The following RFX6 variants were observed in gnomAD, a reference collection of about 807,000 sequenced individuals.
The protein encoded by RFX6 is DNA-binding protein RFX6.
A neutral mutation model predicts 110.8 loss-of-function variants in RFX6; 50 were observed. The ratio of observed to expected loss-of-function variants is 0.45; its 90% CI spans 0.36 to 0.57. The LOEUF (loss-of-function observed/expected upper bound fraction) is 0.57. Among genes scored for constraint, RFX6 ranks in the 20% least tolerant of loss-of-function variants. RFX6 has a pLI of 0.00. For synonymous variants in RFX6, 383 were observed against 411.2 expected (o/e 0.93, Z 0.83); for missense variants, 990 against 1,127.0 (o/e 0.88, Z 1.74).
chr6:116,918,150 G>C lies in RFX6; in HGVS notation c.1022+64G>C, dbSNP rs1775509109. The C allele has an allele frequency of 2.7e-6, 3 of 1,109,188 alleles. No individual in the cohort carries two copies. The Admixed American group carries it at 5.1e-5, about 19-fold the overall frequency. The allele number at this position is 1,109,188 out of a possible 1,614,324, so 68.7% of individuals were successfully genotyped here. A position where few individuals can be genotyped will look rare whatever the true frequency, so the allele number is the denominator to read the frequency against. On this transcript the variant is annotated intron_variant, in intron 10 of 18. Transcript: ENST00000332958. ...GGATTTAACTTTATACATTATATTA[G>C]AAGAAAACATTAGGTAGTAATTTAT...
chr6:116,882,219 T>A, intron 3 of RFX6, 148 bp from the exon 4 acceptor site: 1 of 682,622 alleles, frequency 1.5e-6, no homozygotes, highest in South Asian at 1.6e-5. Context: ...CTTATCAATA[T>A]GTGTAAGTTA....
intron 7 of RFX6, among the ~76,000 whole-genome samples, chr6:116,914,890 G>A (rs1775430175): frequency 1.3e-5 from 2 of 152,098 alleles, no homozygotes; most frequent in Non-Finnish European, 1.5e-5. Flanking sequence ...TATAGCTACT[G>A]TTATTATCAT....
chr6:116,895,093 T>C (rs925062321), intron 5 of RFX6, 87 bp from the exon 6 acceptor site: 11 of 707,000 alleles, frequency 1.6e-5, no homozygotes, highest in African/African-American at 3.5e-5. Flanking sequence ...GGTATGAAAT[T>C]ACTGCTTCTT....
intron 4 of RFX6, among the ~76,000 whole-genome samples, chr6:116,886,913 AT>A (rs1774710680): frequency 6.6e-6 from 1 of 152,052 alleles, no homozygotes; most frequent in Admixed American, 6.5e-5. Flanking sequence ...AAATACAAAA[AT>A]TAGCTGGGCG....
At chr6:116,882,647 G>A (rs965861428) in intron 4 of RFX6, among the ~76,000 whole-genome samples, 7 of 151,676 alleles carry the variant, frequency 4.6e-5, no homozygotes, top group Non-Finnish European at 7.4e-5. Context: ...TATTATTTCT[G>A]CTGAAATAAT....
At chr6:116,883,985 G>A (rs1259014819) in intron 4 of RFX6, among the ~76,000 whole-genome samples, 1 of 152,086 alleles carries the variant, frequency 6.6e-6, no homozygotes, top group Non-Finnish European at 1.5e-5. Flanking sequence ...TCATGATTTA[G>A]TCCAAGTTCA....
intron 6 of RFX6, among the ~76,000 whole-genome samples, chr6:116,897,613 C>A (rs1393517239): frequency 6.6e-6 from 1 of 152,086 alleles, no homozygotes; most frequent in East Asian, 1.9e-4. Context: ...TTATAAAACT[C>A]ATTCTGACCA....
Position 116,878,828 on chromosome 6 carries a change from TTATTATTTATTTAAA to T in RFX6, c.380+882_380+896del, listed in dbSNP as rs1363487381. On this transcript the variant is annotated intron_variant, in intron 2 of 18. Coordinates refer to ENST00000332958, the MANE Select transcript of RFX6 (RefSeq NM_173560.4). ...GATAAAGAACTAGTAAATTTTATTT[TTATTATTTATTTAAA>T]TATTAAATTACAATTTACATATAGT... Among the ~76,000 whole-genome samples, 5 of 151,886 alleles carry T rather than the reference TTATTATTTATTTAAA, an allele frequency of 3.3e-5. No homozygotes were observed. The East Asian group carries it at 9.6e-4, about 29-fold the overall frequency.
At chr6:116,924,903 C>A in intron 15 of RFX6, 112 bp downstream of exon 15, 1 of 770,372 alleles carries the variant, frequency 1.3e-6, no homozygotes, top group Non-Finnish European at 2.2e-6. Context: ...AGTTTTTCTC[C>A]AAACATGTCA....
intron 9 of RFX6, among the ~76,000 whole-genome samples, chr6:116,917,399 T>C (rs2114694457): frequency 6.6e-6 from 1 of 151,994 alleles, no homozygotes; most frequent in South Asian, 2.1e-4. Context: ...ACAGTTTAAT[T>C]TGCATTAATT....
chr6:116,916,441 G>T (rs1172744871), intron 9 of RFX6, 127 bp downstream of exon 9: 23 of 698,720 alleles, frequency 3.3e-5, no homozygotes, highest in African/African-American at 2.0e-4. Flanking sequence ...CTTTTTTTTT[G>T]ATGAGAAAGC....
chr6:116,884,626 C>T (rs923145976), intron 4 of RFX6, among the ~76,000 whole-genome samples: 2 of 151,970 alleles, frequency 1.3e-5, no homozygotes, highest in African/African-American at 2.4e-5. Flanking sequence ...GAAAAGAGGC[C>T]GAGCAATGAA....
At chr6:116,898,762 G>A (rs1775004771) in intron 6 of RFX6, among the ~76,000 whole-genome samples, 2 of 152,052 alleles carry the variant, frequency 1.3e-5, no homozygotes, top group Non-Finnish European at 2.9e-5. Context: ...TGGTAGTTTT[G>A]CATTTCTCTC....
At chr6:116,895,703 C>T (rs1427571110) in intron 6 of RFX6, among the ~76,000 whole-genome samples, 1 of 151,528 alleles carries the variant, frequency 6.6e-6, no homozygotes, top group Non-Finnish European at 1.5e-5. Flanking sequence ...CCCTAGGCTT[C>T]CTCTCCACCC....
intron 7 of RFX6, 76 bp downstream of exon 7, chr6:116,911,118 G>A (rs1775340589): frequency 2.0e-6 from 2 of 1,020,790 alleles, no homozygotes; most frequent in Non-Finnish European, 3.1e-6. Flanking sequence ...GAATTTCATG[G>A]TACTGCAGGA....
intron 7 of RFX6, among the ~76,000 whole-genome samples, chr6:116,912,166 AC>A (rs1302392077): frequency 6.6e-6 from 1 of 152,116 alleles, no homozygotes; most frequent in African/African-American, 2.4e-5. Flanking sequence ...GCAACAGTAG[AC>A]ACTGGAGACT....
intron 3 of RFX6, 52 bp from the exon 4 acceptor site, chr6:116,882,315 G>C: frequency 7.5e-7 from 1 of 1,334,098 alleles, no homozygotes; most frequent in Non-Finnish European, 1.1e-6. Context: ...TGAGTGGCTT[G>C]CATTAGGACC....
chr6:116,927,883 C>T (rs554413929), intron 17 of RFX6, among the ~76,000 whole-genome samples: 72 of 151,458 alleles, frequency 4.8e-4, no homozygotes, highest in Non-Finnish European at 8.4e-4. Flanking sequence ...GCTGGGACTA[C>T]AGGCATGCAT....
intron 6 of RFX6, among the ~76,000 whole-genome samples, chr6:116,898,526 T>TA (rs1303659365): frequency 6.6e-6 from 1 of 152,058 alleles, no homozygotes; most frequent in African/African-American, 2.4e-5. Context: ...GAAGGATGAT[T>TA]AGACTAATGT....
Sources: allele counts gnomAD v4.1 joint callset (sites outside exome capture counted in the v4.1 genomes callset), GRCh38; gene constraint gnomAD v4.1.1; transcripts MANE v1.5; gene names NCBI Gene and HGNC (gene_info 2026-07-23, HGNC 2026-07-21).